XKR9: variants seen among roughly 807,000 people sequenced by gnomAD.
The protein encoded by XKR9 is XK-related protein 9.
A neutral mutation model predicts 32.0 loss-of-function variants in XKR9; 32 were observed. The ratio of observed to expected loss-of-function variants is 1.00; its 90% confidence interval spans 0.76 to 1.34. XKR9 has a LOEUF of 1.34. Among genes scored for constraint, XKR9 ranks in the 40% most tolerant of loss-of-function variants. The probability of loss-of-function intolerance (pLI) is 0.00; values close to 1 mark genes in which losing one functional copy is unlikely to be tolerated. For synonymous variants in XKR9, 168 were observed against 143.4 expected, an observed-to-expected ratio of 1.17 and a Z score of -1.22; for missense variants, 546 against 429.7, an observed-to-expected ratio of 1.27 and a Z score of -2.39.
chr8:70,740,107 A>G (rs1385180683), downstream of XKR9, among the ~76,000 whole-genome samples: 4 of 152,164 alleles, frequency 2.6e-5, no homozygotes, highest in African/African-American at 4.8e-5. Flanking sequence ...AGGTACAGCA[A>G]TCAGATGTAG....
chr8:70,759,389 AG>A (rs1041589020), intron 2 of XKR9, among the ~76,000 whole-genome samples: 28 of 152,318 alleles, frequency 1.8e-4, no homozygotes, highest in African/African-American at 6.7e-4. Context: ...AAGAAAAAAG[AG>A]GAATAATTTT....
chr8:70,999,162 G>T, the XKR9 span, among the ~76,000 whole-genome samples: 1 of 152,086 alleles, frequency 6.6e-6, no homozygotes. Context: ...GTATAATTCT[G>T]ATAAAACAGA....
chr8:70,780,736 C>A (rs1807603884), intron 2 of XKR9, among the ~76,000 whole-genome samples: 1 of 152,034 alleles, frequency 6.6e-6, no homozygotes, highest in Admixed American at 6.6e-5. Context: ...ATGGAAGTCC[C>A]AGAAAACTAA....
the XKR9 span, among the ~76,000 whole-genome samples, chr8:70,865,438 C>A: frequency 1.3e-5 from 2 of 151,242 alleles, no homozygotes; most frequent in African/African-American, 4.9e-5. Context: ...GCTTATAGTT[C>A]CGGTGTAAGG....
At chr8:70,775,595 A>G (rs1807507646) in intron 2 of XKR9, among the ~76,000 whole-genome samples, 1 of 152,130 alleles carries the variant, frequency 6.6e-6, no homozygotes, top group Non-Finnish European at 1.5e-5. Context: ...AGTATGGTGG[A>G]TTATATTATT....
At chr8:70,749,361 C>G (rs916595763) in intron 2 of XKR9, among the ~76,000 whole-genome samples, 2 of 152,232 alleles carry the variant, frequency 1.3e-5, no homozygotes, top group Non-Finnish European at 2.9e-5. Context: ...GACCTCAGGG[C>G]TCCCCAAGCC....
the XKR9 span, among the ~76,000 whole-genome samples, chr8:70,956,151 C>T: frequency 6.6e-6 from 1 of 152,116 alleles, no homozygotes; most frequent in East Asian, 1.9e-4. Context: ...CTTTCAGTCC[C>T]GCCATTCTTG....
downstream of XKR9, among the ~76,000 whole-genome samples, chr8:70,738,406 C>T (rs879384736): frequency 7.6e-4 from 113 of 148,378 alleles, 1 homozygote; most frequent in Non-Finnish European, 1.2e-3. Flanking sequence ...TTTGTTGATC[C>T]TTTCAAAAAA....
At chr8:70,952,812 G>A in the XKR9 span, among the ~76,000 whole-genome samples, 1 of 152,234 alleles carries the variant, frequency 6.6e-6, no homozygotes, top group South Asian at 2.1e-4. Flanking sequence ...GTGCTCAAGA[G>A]CTGTAGGCAC....
At chr8:70,748,222 G>A (rs913987120) in intron 2 of XKR9, among the ~76,000 whole-genome samples, 3 of 152,360 alleles carry the variant, frequency 2.0e-5, no homozygotes, top group Non-Finnish European at 4.4e-5. Context: ...GCAGGAGCAG[G>A]TGGGAGCCCT....
chr8:70,875,670 C>T, the XKR9 span, among the ~76,000 whole-genome samples: 2 of 152,060 alleles, frequency 1.3e-5, no homozygotes, highest in Non-Finnish European at 2.9e-5. Context: ...ATATATCTTT[C>T]AATGAGGATG....
intron 3 of XKR9, among the ~76,000 whole-genome samples, chr8:70,696,257 C>A (rs1805271732): frequency 1.3e-5 from 2 of 152,152 alleles, no homozygotes; most frequent in Non-Finnish European, 2.9e-5. Context: ...AGTCCTTGCC[C>A]ATGCCTATGT....
rs1298147034 is a variant in XKR9, at chr8:70,788,716, C to A, written n.353-623C>A. 3.3e-5 allele frequency among the ~76,000 whole-genome samples: 5 copies of A among 152,106 alleles called. No homozygotes were observed. In the East Asian group the frequency reaches 9.7e-4, roughly 29 times the overall value. On this transcript the variant is annotated intron_variant and non_coding_transcript_variant, in intron 2 of 3. Coordinates refer to the XKR9 transcript ENST00000520273. ...TAGAAAGTATAGCTTTTTGGAGTTGCCTAACCTGCTAGTGGGAAGAATTAA... is the reference window on the plus strand; with the variant it reads ...TAGAAAGTATAGCTTTTTGGAGTTGACTAACCTGCTAGTGGGAAGAATTAA...
At chr8:70,848,814 A>G in the XKR9 span, among the ~76,000 whole-genome samples, 1 of 152,074 alleles carries the variant, frequency 6.6e-6, no homozygotes, top group Non-Finnish European at 1.5e-5. Flanking sequence ...TCTCTGATAA[A>G]ACAGACTTTA....
chr8:71,046,891 C>T, the XKR9 span, among the ~76,000 whole-genome samples: 1 of 152,120 alleles, frequency 6.6e-6, no homozygotes, highest in Non-Finnish European at 1.5e-5. Flanking sequence ...CCTTTGAGTC[C>T]TCTTCATCTG....
At chr8:70,877,312 G>A in the XKR9 span, among the ~76,000 whole-genome samples, 2 of 152,134 alleles carry the variant, frequency 1.3e-5, no homozygotes, top group Admixed American at 6.6e-5. Flanking sequence ...TGGGGACACA[G>A]CCAAATCATA....
At position 70,733,779 on chromosome 8, in the gene XKR9, A is replaced by ATTTTTT; in HGVS notation, c.494-15_494-10dup. On this transcript the variant is annotated splice_polypyrimidine_tract_variant and intron_variant, in intron 4 of 4. Transcript: ENST00000408926. ...TTATTCCTATAACAATATATTTTTT[A>ATTTTTT]TTTTTTTGTTTTGTAGATGCGGCCA... is the stretch of plus-strand genomic sequence containing the variant. 6.6e-7 allele frequency: 1 copy of ATTTTTT among 1,509,792 alleles called. No individual in the cohort carries two copies. Among genetic ancestry groups the ATTTTTT allele is most frequent in the Non-Finnish European group, 8.8e-7 (1 of 1,132,834 alleles). The allele number at this position is 1,509,792 out of a possible 1,614,324, so 93.5% of individuals were successfully genotyped here. A position where few individuals can be genotyped will look rare whatever the true frequency, so the allele number is the denominator to read the frequency against.
chr8:70,877,642 C>T, the XKR9 span, among the ~76,000 whole-genome samples: 1 of 152,116 alleles, frequency 6.6e-6, no homozygotes, highest in African/African-American at 2.4e-5. Flanking sequence ...AACAAAGCTT[C>T]CAAGAAATAT....
chr8:70,990,927 C>T, the XKR9 span, among the ~76,000 whole-genome samples: 1 of 152,130 alleles, frequency 6.6e-6, no homozygotes, highest in Non-Finnish European at 1.5e-5. Flanking sequence ...TTAAAATTGC[C>T]ACTGGTGAGA....
Sources: gnomAD v4.1 joint callset for allele counts (sites outside exome capture counted in the v4.1 genomes callset) on GRCh38, gnomAD v4.1.1 for gene constraint, MANE v1.5 for transcripts, NCBI Gene and HGNC (gene_info 2026-07-23, HGNC 2026-07-21) for gene names.